The following ZCCHC7 variants were observed in gnomAD, a reference collection of about 807,000 sequenced individuals.
The protein encoded by ZCCHC7 is zinc finger CCHC domain-containing protein 7.
ZCCHC7 carries 35 observed loss-of-function variants against 52.0 expected under a neutral mutation model. That is an observed-to-expected ratio of 0.67 (90% CI 0.51 to 0.89). The LOEUF (loss-of-function observed/expected upper bound fraction) is 0.89, where lower values mean the gene tolerates loss of function less well. Ranked by LOEUF, ZCCHC7 falls within the 40% of genes least tolerant of loss-of-function variation. The pLI is 0.00. For missense variants in ZCCHC7, 574 were observed against 649.1 expected, an observed-to-expected ratio of 0.88 and a Z score of 1.26; for synonymous variants, 217 against 221.5, an observed-to-expected ratio of 0.98 and a Z score of 0.18.
Position 37,306,770 on chromosome 9 carries a change from T to C in ZCCHC7, c.951+1056T>C, listed in dbSNP as rs868607921. Among the ~76,000 whole-genome samples the C allele has an allele frequency of 6.5e-4, 19 of 29,104 alleles. No individual in the cohort carries two copies. The South Asian group carries it at 7.3e-3, about 11-fold the overall frequency. The allele number at this position is 29,104 out of a possible 152,430, so 19.1% of individuals were successfully genotyped here. A position where few individuals can be genotyped will look rare whatever the true frequency, so the allele number is the denominator to read the frequency against. ...GAGCCACTGTACCCGACCTTTTTTTTTTTTTTTTTTTTTTTTTTTTTTTTT... is the reference window on the plus strand; with the variant it reads ...GAGCCACTGTACCCGACCTTTTTTTCTTTTTTTTTTTTTTTTTTTTTTTTT... On this transcript the variant is annotated intron_variant, in intron 5 of 8. Coordinates refer to ENST00000336755, the MANE Select transcript of ZCCHC7 (RefSeq NM_032226.3).
At chr9:37,272,650 T>C (rs991816197) in intron 2 of ZCCHC7, among the ~76,000 whole-genome samples, 30 of 152,184 alleles carry the variant, frequency 2.0e-4, no homozygotes, top group African/African-American at 7.2e-4. Flanking sequence ...TTGCTTTTTA[T>C]TTTTTCTCTT....
At chr9:37,140,411 C>T (rs1256922249) in intron 2 of ZCCHC7, among the ~76,000 whole-genome samples, 1 of 151,886 alleles carries the variant, frequency 6.6e-6, no homozygotes, top group Non-Finnish European at 1.5e-5. Flanking sequence ...TTAAATATTG[C>T]TGTAAATGTG....
In ZCCHC7 at chr9:37,357,412, C is replaced by A; in HGVS notation, c.*144C>A. Reference sequence around the variant, plus strand: ...TTAATTTCAGCCATTCCTAGAGTTACTGAATATCCATGGAGATCTCAATTC... The same window carrying A: ...TTAATTTCAGCCATTCCTAGAGTTAATGAATATCCATGGAGATCTCAATTC... On this transcript the variant is annotated 3_prime_UTR_variant, in exon 9 of 9. Coordinates refer to ENST00000336755, the MANE Select transcript of ZCCHC7 (RefSeq NM_032226.3). 1.4e-6 allele frequency: 1 copy of A among 695,512 alleles called. No homozygotes were observed. Among genetic ancestry groups the A allele is most frequent in the Non-Finnish European group, 2.2e-6 (1 of 449,594 alleles). 43.1% of individuals were successfully genotyped at this position (695,512 alleles called of 1,614,324 possible). A position where few individuals can be genotyped will look rare whatever the true frequency, so the allele number is the denominator to read the frequency against.
At chr9:37,172,045 G>A (rs745901275) in intron 2 of ZCCHC7, among the ~76,000 whole-genome samples, 1 of 152,016 alleles carries the variant, frequency 6.6e-6, no homozygotes, top group Non-Finnish European at 1.5e-5. Flanking sequence ...TAAATGAGGC[G>A]AGTTTTTATG....
chr9:37,210,467 TA>T (rs1824157713), intron 2 of ZCCHC7, among the ~76,000 whole-genome samples: 1 of 152,244 alleles, frequency 6.6e-6, no homozygotes, highest in African/African-American at 2.4e-5. Flanking sequence ...TTTCATGTGA[TA>T]AATAAGATTA....
intron 2 of ZCCHC7, among the ~76,000 whole-genome samples, chr9:37,292,807 G>A (rs190661478): frequency 6.4e-4 from 97 of 152,192 alleles, no homozygotes; most frequent in African/African-American, 1.8e-3. Context: ...AAAATTAATA[G>A]TAAAATATGA....
intron 6 of ZCCHC7, among the ~76,000 whole-genome samples, chr9:37,344,713 G>A (rs1296827943): frequency 2.6e-5 from 4 of 151,726 alleles, no homozygotes; most frequent in African/African-American, 4.9e-5. Flanking sequence ...ACTATTTTTC[G>A]CTAATATTTT....
At position 37,246,284 on chromosome 9, in the gene ZCCHC7, G is replaced by C. The variant is rs73448483; in HGVS notation, c.611-55904G>C. Among the ~76,000 whole-genome samples, 665 of 152,184 alleles carry C rather than the reference G, an allele frequency of 4.4e-3. 3 individuals carry two copies. The highest frequency in any genetic ancestry group is 0.015 in the African/African-American group (636 of 41,538). ...ATTTGAGGTGTCCAGAAAGGAACTGGATATATGAATATAGAGCCAAGCTCA... is the reference window on the plus strand; with the variant it reads ...ATTTGAGGTGTCCAGAAAGGAACTGCATATATGAATATAGAGCCAAGCTCA... On this transcript the variant is annotated intron_variant, in intron 2 of 8. Transcript: ENST00000336755.
At chr9:37,122,770 C>T (rs1206578780) in intron 1 of ZCCHC7, among the ~76,000 whole-genome samples, 1 of 152,164 alleles carries the variant, frequency 6.6e-6, no homozygotes, top group African/African-American at 2.4e-5. Context: ...AAACCCGTCT[C>T]TGCTAAGAAT....
intron 2 of ZCCHC7, chr9:37,284,392 C>CA (rs1174853310): frequency 1.3e-5 from 2 of 152,086 alleles, no homozygotes; most frequent in East Asian, 1.9e-4. Flanking sequence ...TTTATACACA[C>CA]AAAAAAATAC....
At chr9:37,254,213 A>C (rs1190844070) in intron 2 of ZCCHC7, among the ~76,000 whole-genome samples, 1 of 152,062 alleles carries the variant, frequency 6.6e-6, no homozygotes, top group Non-Finnish European at 1.5e-5. Flanking sequence ...CAGGTTTTTT[A>C]ATCTGAACAA....
chr9:37,283,496 A>G (rs1030208585), intron 2 of ZCCHC7, among the ~76,000 whole-genome samples: 12 of 152,128 alleles, frequency 7.9e-5, no homozygotes, highest in African/African-American at 2.9e-4. Context: ...TGAATTTTCT[A>G]TTTTGAAAAG....
At chr9:37,346,510 T>C (rs905407391) in intron 6 of ZCCHC7, among the ~76,000 whole-genome samples, 3 of 152,024 alleles carry the variant, frequency 2.0e-5, no homozygotes, top group African/African-American at 7.2e-5. Flanking sequence ...ACCCCATCTC[T>C]ACTAAAAATA....
chr9:37,282,523 T>A (rs1828009144), intron 2 of ZCCHC7, among the ~76,000 whole-genome samples: 1 of 143,670 alleles, frequency 7.0e-6, no homozygotes, highest in Non-Finnish European at 1.5e-5. Context: ...GAAAATGGCA[T>A]GAACCTGGGA....
intron 2 of ZCCHC7, among the ~76,000 whole-genome samples, chr9:37,132,904 C>T (rs775956114): frequency 1.3e-5 from 2 of 152,098 alleles, no homozygotes; most frequent in South Asian, 2.1e-4. Context: ...TTTGGGAGGC[C>T]GAGGCGGGCG....
intron 2 of ZCCHC7, among the ~76,000 whole-genome samples, chr9:37,205,958 G>A (rs1025630253): frequency 2.0e-5 from 3 of 150,228 alleles, no homozygotes. Context: ...GGAGTATTAT[G>A]ATATTTTGGT....
intron 2 of ZCCHC7, among the ~76,000 whole-genome samples, chr9:37,207,502 T>G (rs1333066562): frequency 1.3e-5 from 2 of 149,906 alleles, no homozygotes; most frequent in African/African-American, 2.4e-5. Context: ...CCAGAGTTTT[T>G]TTTTTTTTTT....
chr9:37,181,064 G>A (rs1389307066), intron 2 of ZCCHC7, among the ~76,000 whole-genome samples: 1 of 152,008 alleles, frequency 6.6e-6, no homozygotes, highest in African/African-American at 2.4e-5. Context: ...TATGTTCTAT[G>A]CTTTAATTAT....
intron 7 of ZCCHC7, among the ~76,000 whole-genome samples, chr9:37,352,814 C>T (rs573367042): frequency 6.6e-6 from 1 of 152,030 alleles, no homozygotes; most frequent in Admixed American, 6.5e-5. Context: ...CATGAGCCAC[C>T]ATGCCCTGCC....
Sources: gnomAD v4.1 joint callset for allele counts (sites outside exome capture counted in the v4.1 genomes callset) on GRCh38, gnomAD v4.1.1 for gene constraint, MANE v1.5 for transcripts, NCBI Gene and HGNC (gene_info 2026-07-23, HGNC 2026-07-21) for gene names.